Variants in RBFOX1 observed in about 807,000 individuals in gnomAD.
The protein encoded by RBFOX1 is RNA binding fox-1 homolog 1.
In RBFOX1, 8 loss-of-function variants were observed where a neutral mutation model predicts 57.7. That is an observed-to-expected ratio of 0.14 (90% CI 0.08 to 0.25). The LOEUF is 0.25. Ranked by LOEUF, RBFOX1 falls within the 10% of genes least tolerant of loss-of-function variation. The pLI is 1.00. For synonymous variants in RBFOX1, 326 were observed against 222.4 expected (o/e 1.47, Z -4.15); for missense variants, 611 against 548.5 (o/e 1.11, Z -1.14).
At chr16:6,895,428 G>A (rs1177522303) in intron 3 of RBFOX1, among the ~76,000 whole-genome samples, 2 of 62,598 alleles carry the variant, frequency 3.2e-5, no homozygotes, top group East Asian at 4.1e-4. Context: ...ATGTGTGTGT[G>A]TGTGTGTGTG....
intron 3 of RBFOX1, among the ~76,000 whole-genome samples, chr16:6,837,319 A>C (rs538499451): frequency 1.3e-5 from 2 of 152,178 alleles, no homozygotes; most frequent in Admixed American, 6.5e-5. Flanking sequence ...TCCATTTTGT[A>C]GATGTGCCAC....
chr16:5,932,904 C>G (rs559940902), intron 4 of RBFOX1, among the ~76,000 whole-genome samples: 15 of 152,258 alleles, frequency 9.9e-5, no homozygotes, highest in African/African-American at 3.6e-4. Context: ...GTCCATTTCC[C>G]TTCCTGGCAA....
intron 3 of RBFOX1, among the ~76,000 whole-genome samples, chr16:5,654,419 TC>T (rs2049353856): frequency 6.6e-6 from 1 of 151,968 alleles, no homozygotes; most frequent in Non-Finnish European, 1.5e-5. Flanking sequence ...AAATCAGGAC[TC>T]CCCCCAACCT....
At chr16:6,972,996 T>G (rs1272177371) in intron 3 of RBFOX1, among the ~76,000 whole-genome samples, 1 of 152,072 alleles carries the variant, frequency 6.6e-6, no homozygotes, top group East Asian at 1.9e-4. Context: ...CCCAGCACGG[T>G]GGTAGGCACC....
chr16:5,654,103 C>T (rs1444609374), intron 3 of RBFOX1, among the ~76,000 whole-genome samples: 1 of 152,222 alleles, frequency 6.6e-6, no homozygotes, highest in African/African-American at 2.4e-5. Flanking sequence ...GAGGACACGT[C>T]TGGGTCAAAT....
chr16:5,592,394 C>G (rs945136581), intron 2 of RBFOX1, among the ~76,000 whole-genome samples: 3 of 151,586 alleles, frequency 2.0e-5, no homozygotes, highest in African/African-American at 4.8e-5. Flanking sequence ...AGGATCTTCA[C>G]TACCACTCTG....
chr16:7,363,899 T>C (rs1260377744), intron 4 of RBFOX1, among the ~76,000 whole-genome samples: 1 of 152,110 alleles, frequency 6.6e-6, no homozygotes, highest in Non-Finnish European at 1.5e-5. Flanking sequence ...CTGGGCTTCA[T>C]TGTTGGCACT....
At chr16:5,377,090 A>G (rs73516689) in intron 1 of RBFOX1, among the ~76,000 whole-genome samples, 13,589 of 151,582 alleles carry the variant, frequency 0.09, 1,773 homozygotes, top group African/African-American at 0.25. Context: ...TTGTCAGTCA[A>G]GTGTGTGGGA....
rs191144571 is a variant in RBFOX1, at chr16:6,843,625, C to T, written c.-16+188975C>T. On this transcript the variant is annotated intron_variant, in intron 3 of 15. Coordinates refer to ENST00000550418, the MANE Select transcript of RBFOX1 (RefSeq NM_018723.4). Reference sequence around the variant, plus strand: ...AATGGCATGAACCCAGGAGGTGGAGCTTGCAGTGAGCCGACATCGCGCCAC... The same window carrying T: ...AATGGCATGAACCCAGGAGGTGGAGTTTGCAGTGAGCCGACATCGCGCCAC... 4.2e-3 allele frequency among the ~76,000 whole-genome samples: 637 copies of T among 152,244 alleles called. 2 individuals are homozygous for T. Among genetic ancestry groups the T allele is most frequent in the Middle Eastern group, 0.014 (4 of 294 alleles).
chr16:7,215,150 C>G (rs2091826011), intron 4 of RBFOX1, among the ~76,000 whole-genome samples: 1 of 152,130 alleles, frequency 6.6e-6, no homozygotes, highest in African/African-American at 2.4e-5. Context: ...TGAGTGAGAA[C>G]ATGTGGTGTT....
intron 2 of RBFOX1, among the ~76,000 whole-genome samples, chr16:6,545,723 A>T (rs1462581783): frequency 6.6e-6 from 1 of 152,212 alleles, no homozygotes. Context: ...GCTTCAAACT[A>T]CGAAGGGCTT....
At chr16:7,368,989 G>C (rs889879859) in intron 4 of RBFOX1, among the ~76,000 whole-genome samples, 18 of 152,042 alleles carry the variant, frequency 1.2e-4, no homozygotes, top group African/African-American at 4.4e-4. Flanking sequence ...CTGCAGCTGA[G>C]CAAGAAGTGC....
At chr16:6,008,958 A>G (rs1231310715) in intron 4 of RBFOX1, among the ~76,000 whole-genome samples, 4 of 152,214 alleles carry the variant, frequency 2.6e-5, no homozygotes, top group African/African-American at 7.2e-5. Context: ...TTTCTCATTG[A>G]CAGCCTCTCA....
chr16:5,347,939 A>G (rs1269549760), intron 1 of RBFOX1, among the ~76,000 whole-genome samples: 4 of 111,992 alleles, frequency 3.6e-5, no homozygotes, highest in Admixed American at 2.0e-4. Flanking sequence ...CTTCCACTCA[A>G]TCATGCACTC....
At chr16:5,704,884 C>A (rs530642060) in intron 3 of RBFOX1, among the ~76,000 whole-genome samples, 7 of 152,120 alleles carry the variant, frequency 4.6e-5, no homozygotes, top group African/African-American at 1.7e-4. Flanking sequence ...TGAGACTTAT[C>A]GGGCTTCTTA....
intron 3 of RBFOX1, among the ~76,000 whole-genome samples, chr16:6,718,408 A>G (rs533986128): frequency 6.6e-6 from 1 of 152,340 alleles, no homozygotes; most frequent in African/African-American, 2.4e-5. Context: ...CAAGTTTTGA[A>G]AAGTGGTGTA....
chr16:7,391,412 C>G (rs1161132800), intron 4 of RBFOX1, among the ~76,000 whole-genome samples: 1 of 152,202 alleles, frequency 6.6e-6, no homozygotes, highest in Non-Finnish European at 1.5e-5. Context: ...TCCCTCTGCT[C>G]TTCGTTTCTC....
intron 14 of RBFOX1, among the ~76,000 whole-genome samples, chr16:7,692,967 G>C (rs976592638): frequency 2.0e-5 from 3 of 151,586 alleles, no homozygotes; most frequent in Non-Finnish European, 4.4e-5. Context: ...TTAATCATTA[G>C]TCCCATTTTA....
chr16:5,454,980 TTTCTTTC>T (rs1353611624), intron 1 of RBFOX1, among the ~76,000 whole-genome samples: 4 of 95,630 alleles, frequency 4.2e-5, no homozygotes, highest in African/African-American at 1.5e-4. Context: ...TCTTTCTTTC[TTTCTTTC>T]TTTCTTTCTT....
Sources: gnomAD v4.1 joint callset for allele counts (sites outside exome capture counted in the v4.1 genomes callset) on GRCh38, gnomAD v4.1.1 for gene constraint, MANE v1.5 for transcripts, NCBI Gene and HGNC (gene_info 2026-07-23, HGNC 2026-07-21) for gene names.